The following ADAMTS16 variants were observed in gnomAD, a reference collection of about 807,000 sequenced individuals.
ADAMTS16 encodes ADAM metallopeptidase with thrombospondin type 1 motif 16, also known as A disintegrin and metalloproteinase with thrombospondin motifs 16.
Under a neutral mutation model 145.8 loss-of-function variants are expected in ADAMTS16, and 94 were observed. The ratio of observed to expected loss-of-function variants is 0.64; its 90% CI spans 0.55 to 0.77. The LOEUF (loss-of-function observed/expected upper bound fraction) is 0.77, where lower values mean the gene tolerates loss of function less well. ADAMTS16 is among the 30% of genes least tolerant of loss of function. ADAMTS16 has a pLI of 0.00. For synonymous variants in ADAMTS16, 659 were observed against 604.3 expected (o/e 1.09, Z -1.33); for missense variants, 1,585 against 1,591.5 (o/e 1.00, Z 0.07).
rs116124201 is a variant in ADAMTS16, at chr5:5,189,599, A to G, written c.1048-372A>G. ...TCACCATCTAGACGTGTTTTTGTAT[A>G]TGTATGTACAAAGCCATGTATAAAT... On this transcript the variant is annotated intron_variant, in intron 6 of 22. Transcript: ENST00000274181. Among the ~76,000 whole-genome samples, 568 of 152,344 alleles carry G rather than the reference A, an allele frequency of 3.7e-3. 2 individuals are homozygous for G. The highest frequency in any genetic ancestry group is 6.2e-3 in the Non-Finnish European group (421 of 68,020).
chr5:5,168,960 C>T lies in ADAMTS16; in HGVS notation c.502-13084C>T, dbSNP rs1008464403. Among the ~76,000 whole-genome samples, 17 of 151,450 alleles carry T rather than the reference C, an allele frequency of 1.1e-4. 1 individual carries two copies. The East Asian group carries it at 2.0e-3, about 17-fold the overall frequency. On this transcript the variant is annotated intron_variant, in intron 3 of 22. Transcript: ENST00000274181. ...TTCCTCTCAATAGTACTGTGCAGTG[C>T]CGCTTCCTCCATCTCATGAGGTAGT...
At chr5:5,168,580 ATAT>A (rs1211640247) in intron 3 of ADAMTS16, among the ~76,000 whole-genome samples, 1 of 85,460 alleles carries the variant, frequency 1.2e-5, no homozygotes, top group African/African-American at 4.7e-5. Flanking sequence ...ATTATTATAT[ATAT>A]TATATTATAT....
At chr5:5,176,792 C>G (rs1479216613) in intron 3 of ADAMTS16, among the ~76,000 whole-genome samples, 3 of 152,162 alleles carry the variant, frequency 2.0e-5, no homozygotes, top group Non-Finnish European at 4.4e-5. Context: ...CATCCAAAGC[C>G]TGATTGGCTG....
In ADAMTS16 at chr5:5,317,531, A is replaced by T. The variant is rs1232571014; in HGVS notation, c.3412-603A>T. 2.0e-5 allele frequency among the ~76,000 whole-genome samples: 3 copies of T among 151,958 alleles called. No individual in the cohort carries two copies. Among genetic ancestry groups the T allele is most frequent in the East Asian group, 3.9e-4 (2 of 5,182 alleles). ...TGCCTCAGCTTCCCAAGTAGCTGGGATTACAGGTGCCCACCACCAGGCCCA... is the reference window on the plus strand; with the variant it reads ...TGCCTCAGCTTCCCAAGTAGCTGGGTTTACAGGTGCCCACCACCAGGCCCA... On this transcript the variant is annotated intron_variant, in intron 21 of 22. Transcript: ENST00000274181. The surrounding 1 kb of genome is among the most constrained non-coding windows in gnomAD (Gnocchi z 4.5).
intron 3 of ADAMTS16, among the ~76,000 whole-genome samples, chr5:5,152,463 C>A (rs1479162663): frequency 1.3e-5 from 2 of 152,198 alleles, no homozygotes; most frequent in Non-Finnish European, 2.9e-5. Flanking sequence ...TGGCAGAAGA[C>A]AAACAAGTTC....
intron 10 of ADAMTS16, among the ~76,000 whole-genome samples, chr5:5,222,032 A>G (rs955179876): frequency 6.6e-6 from 1 of 152,354 alleles, no homozygotes; most frequent in African/African-American, 2.4e-5. Context: ...AGAAGGTTCC[A>G]TCATTTCACA....
chr5:5,171,138 G>A (rs1435968911), intron 3 of ADAMTS16, among the ~76,000 whole-genome samples: 1 of 152,066 alleles, frequency 6.6e-6, no homozygotes, highest in Non-Finnish European at 1.5e-5. Flanking sequence ...CAACTTTACT[G>A]AATTTGTTTA....
At chr5:5,230,090 T>C (rs1441370995) in intron 11 of ADAMTS16, among the ~76,000 whole-genome samples, 1 of 152,128 alleles carries the variant, frequency 6.6e-6, no homozygotes, top group Non-Finnish European at 1.5e-5. Context: ...TAGATCCAAT[T>C]GCCTGATTAT....
intron 10 of ADAMTS16, among the ~76,000 whole-genome samples, chr5:5,222,387 A>G (rs1299351143): frequency 2.6e-5 from 4 of 152,010 alleles, no homozygotes; most frequent in African/African-American, 9.7e-5. Flanking sequence ...AACATCCTTA[A>G]TTTAAAAATA....
At position 5,319,898 on chromosome 5, in the gene ADAMTS16, G is replaced by A. The variant is rs1029875348; in HGVS notation, c.*760G>A. 1 of 455,656 alleles carries A rather than the reference G, an allele frequency of 2.2e-6. No homozygotes were observed. Among genetic ancestry groups the A allele is most frequent in the African/African-American group, 2.0e-5 (1 of 50,050 alleles). The allele number at this position is 455,656 out of a possible 1,614,324, so 28.2% of individuals were successfully genotyped here. A position where few individuals can be genotyped will look rare whatever the true frequency, so the allele number is the denominator to read the frequency against. ...ATCTTTCTCAGTTATTTGCAAGTGA[G>A]TGTCCTTTTAAAAACACACTTCTTC... On this transcript the variant is annotated 3_prime_UTR_variant, in exon 23 of 23. Transcript: ENST00000274181.
intron 17 of ADAMTS16, among the ~76,000 whole-genome samples, chr5:5,247,128 G>A (rs1737471188): frequency 6.6e-6 from 1 of 152,120 alleles, no homozygotes; most frequent in African/African-American, 2.4e-5. Context: ...CTTCAAATGA[G>A]ATCTTCCCCA....
At chr5:5,236,757 G>A (rs1737119418) in intron 13 of ADAMTS16, among the ~76,000 whole-genome samples, 1 of 150,884 alleles carries the variant, frequency 6.6e-6, no homozygotes, top group Admixed American at 6.7e-5. Flanking sequence ...AAAGGACACT[G>A]TAGAGTAAAA....
At chr5:5,289,565 G>T (rs1739223962) in intron 18 of ADAMTS16, among the ~76,000 whole-genome samples, 1 of 152,202 alleles carries the variant, frequency 6.6e-6, no homozygotes, top group Non-Finnish European at 1.5e-5. Flanking sequence ...AAGGTGTCTT[G>T]GGTGCTGTAA....
At chr5:5,141,277 G>T (rs79022129) in intron 2 of ADAMTS16, among the ~76,000 whole-genome samples, 1 of 152,142 alleles carries the variant, frequency 6.6e-6, no homozygotes, top group Non-Finnish European at 1.5e-5. Flanking sequence ...AACAATCAGG[G>T]CGTACTTCAA....
intron 18 of ADAMTS16, 85 bp from the exon 19 acceptor site, chr5:5,303,183 G>A (rs1337257385): frequency 7.5e-5 from 102 of 1,368,780 alleles, no homozygotes; most frequent in Non-Finnish European, 9.2e-5. Flanking sequence ...GGGAAATCGC[G>A]CCGCTGCCTC....
intron 18 of ADAMTS16, among the ~76,000 whole-genome samples, chr5:5,262,988 G>A (rs2913656): frequency 0.28 from 42,373 of 152,160 alleles, 6,012 homozygotes; most frequent in Middle Eastern, 0.37. Flanking sequence ...TCTTGTGACT[G>A]TAAGTGGACA....
intron 10 of ADAMTS16, among the ~76,000 whole-genome samples, chr5:5,221,270 A>T (rs530128256): frequency 6.3e-4 from 95 of 151,584 alleles, no homozygotes; most frequent in African/African-American, 2.1e-3. Context: ...TAATCTCTAA[A>T]CTCCGTTCTG....
chr5:5,275,887 G>A (rs1225511810), intron 18 of ADAMTS16, among the ~76,000 whole-genome samples: 4 of 147,330 alleles, frequency 2.7e-5, no homozygotes, highest in East Asian at 2.0e-4. Flanking sequence ...TTAAGACGGC[G>A]TCGTACTCTG....
chr5:5,281,490 G>T (rs1738903658), intron 18 of ADAMTS16, among the ~76,000 whole-genome samples: 1 of 152,132 alleles, frequency 6.6e-6, no homozygotes, highest in Admixed American at 6.6e-5. Context: ...ATGTAAACAA[G>T]AATCTATTAA....
Sources: allele counts gnomAD v4.1 joint callset (sites outside exome capture counted in the v4.1 genomes callset), GRCh38; gene constraint gnomAD v4.1.1; non-coding constraint Gnocchi (gnomAD v3.1); transcripts MANE v1.5; gene names NCBI Gene and HGNC (gene_info 2026-07-23, HGNC 2026-07-21).